FAAH: variants seen among roughly 807,000 people sequenced by gnomAD.
The protein encoded by FAAH is fatty acid amide hydrolase.
Under a neutral mutation model 69.7 loss-of-function variants are expected in FAAH, and 63 were observed. The ratio of observed to expected loss-of-function variants is 0.90; its 90% CI spans 0.74 to 1.12. The LOEUF (loss-of-function observed/expected upper bound fraction) is 1.12, where lower values mean the gene tolerates loss of function less well. Among genes scored for constraint, FAAH ranks in the 50% most tolerant of loss-of-function variants. FAAH has a pLI of 0.00. For missense variants in FAAH, 680 were observed against 755.0 expected, an observed-to-expected ratio of 0.90 and a Z score of 1.16; for synonymous variants, 305 against 324.2, an observed-to-expected ratio of 0.94 and a Z score of 0.64.
In FAAH at chr1:46,410,741, G is replaced by A; in HGVS notation, c.1276-73G>A. On this transcript the variant is annotated intron_variant, in intron 10 of 14. Transcript: ENST00000243167. The surrounding 1 kb of genome is among the most constrained non-coding windows in gnomAD (Gnocchi z 4.9). ...GGCATGGAGGGAGGGGTCCCCAGTGGCTTGGCCTGAAGAAGGTTGACGTCT... is the reference window on the plus strand; with the variant it reads ...GGCATGGAGGGAGGGGTCCCCAGTGACTTGGCCTGAAGAAGGTTGACGTCT... 2 of 1,595,810 alleles carry A rather than the reference G, an allele frequency of 1.3e-6. No homozygotes were observed. The highest frequency in any genetic ancestry group is 1.7e-6 in the Non-Finnish European group (2 of 1,163,366).
chr1:46,399,253 T>G (rs1027667344), intron 1 of FAAH, among the ~76,000 whole-genome samples: 1 of 152,136 alleles, frequency 6.6e-6, no homozygotes, highest in African/African-American at 2.4e-5. Context: ...TGGTAGAGTA[T>G]CCCTCTCTTG....
At position 46,411,731 on chromosome 1, in the gene FAAH, G is replaced by T; in HGVS notation, c.1356+80G>T. 2 of 1,502,778 alleles carry T rather than the reference G, an allele frequency of 1.3e-6. No homozygotes were observed. Among genetic ancestry groups the T allele is most frequent in the South Asian group, 1.2e-5 (1 of 86,520 alleles). The allele number at this position is 1,502,778 out of a possible 1,614,324, so 93.1% of individuals were successfully genotyped here. ...ACAGGGTACCCGCTAGCAGTGTCTC[G>T]TGGCCACTGCCCCCATGGGGCTCCT... On this transcript the variant is annotated intron_variant, in intron 12 of 14. Transcript: ENST00000243167. The surrounding 1 kb of genome is among the most constrained non-coding windows in gnomAD (Gnocchi z 4.8).
At chr1:46,408,350 T>C in intron 7 of FAAH, 109 bp from the exon 8 acceptor site, 1 of 1,481,792 alleles carries the variant, frequency 6.7e-7, no homozygotes, top group South Asian at 1.1e-5. Flanking sequence ...CCTCGCTGAC[T>C]GCAGCCTCGC....
At chr1:46,399,258 C>G (rs1004635020) in intron 1 of FAAH, among the ~76,000 whole-genome samples, 3 of 152,180 alleles carry the variant, frequency 2.0e-5, no homozygotes, top group Non-Finnish European at 4.4e-5. Flanking sequence ...GAGTATCCCT[C>G]TCTTGAAAAA....
intron 2 of FAAH, among the ~76,000 whole-genome samples, chr1:46,402,419 C>T (rs1180429236): frequency 2.0e-5 from 3 of 152,260 alleles, no homozygotes; most frequent in Non-Finnish European, 4.4e-5. Context: ...GTGTATGAGA[C>T]ACTGAGCATG....
chr1:46,413,778 C>G lies in FAAH; in HGVS notation c.*203C>G. The G allele has an allele frequency of 1.5e-6, 1 of 670,558 alleles. No homozygotes were observed. The highest frequency in any genetic ancestry group is 2.5e-6 in the Non-Finnish European group (1 of 395,164). The allele number at this position is 670,558 out of a possible 1,614,324, so 41.5% of individuals were successfully genotyped here. Reference sequence around the variant, plus strand: ...TCTGGTCCCCTCTCTTCGTCCTGATCCCTCCACCCCCATGTGGCAGCCCAT... The same window carrying G: ...TCTGGTCCCCTCTCTTCGTCCTGATGCCTCCACCCCCATGTGGCAGCCCAT... On this transcript the variant is annotated 3_prime_UTR_variant, in exon 15 of 15. Coordinates refer to ENST00000243167, the MANE Select transcript of FAAH (RefSeq NM_001441.3).
Position 46,409,181 on chromosome 1 carries a change from C to T in FAAH, c.1158C>T (p.His386=). ...GTGGGCTCTTCAGTGATGGTGGCCA[C>T]ACCTTCCTACAGAACTTGTGAGTGA... ...STGGLFSDGG[H]TFLQNFKGDF... The change falls in exon 9 of 15, where the codon CAC becomes CAT. Residue 386 remains histidine (H), a synonymous_variant. Transcript: ENST00000243167. The T allele has an allele frequency of 3.7e-6, 6 of 1,613,798 alleles. No homozygotes were observed. The highest frequency in any genetic ancestry group is 5.1e-6 in the Non-Finnish European group (6 of 1,179,770).
chr1:46,394,939 T>G (rs1664571102), intron 1 of FAAH, among the ~76,000 whole-genome samples: 1 of 91,634 alleles, frequency 1.1e-5, no homozygotes, highest in Admixed American at 9.9e-5. Flanking sequence ...TTGTTTTTTG[T>G]TTTTTTTTGT....
chr1:46,395,972 C>T (rs941878876), intron 1 of FAAH, among the ~76,000 whole-genome samples: 13 of 151,836 alleles, frequency 8.6e-5, no homozygotes, highest in African/African-American at 3.1e-4. Flanking sequence ...GAACAGTGGG[C>T]CCAGGGGACC....
In FAAH at chr1:46,411,611, G is replaced by A; in HGVS notation, c.1317-1G>A. On this transcript the variant is annotated splice_acceptor_variant, in intron 11 of 14. Coordinates refer to ENST00000243167, the MANE Select transcript of FAAH (RefSeq NM_001441.3). LOFTEE classifies it high-confidence loss of function. This position sits in a 1 kb window ranked among gnomAD's most constrained non-coding sequence, Gnocchi z 4.8. ...CTGGTGACCACACTCCTTCTGCCCA[G>A]TTCGGCTGGAAAACTCTGGGAACTG... 6.2e-7 allele frequency: 1 copy of A among 1,614,024 alleles called. No homozygotes were observed.
At chr1:46,399,584 T>G (rs978815254) in intron 1 of FAAH, among the ~76,000 whole-genome samples, 6 of 152,238 alleles carry the variant, frequency 3.9e-5, no homozygotes, top group African/African-American at 1.2e-4. Flanking sequence ...TGTAGCGAGG[T>G]CGGGGGAGTT....
At chr1:46,407,262 C>T (rs1257281102) in intron 7 of FAAH, among the ~76,000 whole-genome samples, 1 of 152,034 alleles carries the variant, frequency 6.6e-6, no homozygotes, top group Non-Finnish European at 1.5e-5. Context: ...GGGAGATCTG[C>T]TGAGATTTTG....
chr1:46,409,427 CT>C (rs35934911), intron 9 of FAAH: 33,950 of 529,220 alleles, frequency 0.064, 3,560 homozygotes, highest in East Asian at 0.32. Context: ...TGGCCTACCC[CT>C]GATCTGAGCT....
In FAAH at chr1:46,394,437, G is replaced by C; in HGVS notation, c.89G>C (p.Arg30Pro). 3.6e-6 allele frequency: 5 copies of C among 1,397,038 alleles called. No individual in the cohort carries two copies. Among genetic ancestry groups the C allele is most frequent in the Non-Finnish European group, 4.6e-6 (5 of 1,083,328 alleles). The allele number at this position is 1,397,038 out of a possible 1,614,324, so 86.5% of individuals were successfully genotyped here. A position where few individuals can be genotyped will look rare whatever the true frequency, so the allele number is the denominator to read the frequency against. ...CCFVAAAVAL[R>P]WSGRRTARGA... ...TTCGTGGCGGCGGCCGTGGCCCTGC[G>C]CTGGTCCGGGCGCCGGACGGCGCGG... The change falls in exon 1 of 15, where the codon CGC (arginine) becomes CCC (proline). Residue 30 changes from arginine to proline, a missense_variant. Arg to Pro is a moderately radical substitution (Grantham distance 103). Transcript: ENST00000243167.
At chr1:46,396,850 TGCG>T (rs1664605751) in intron 1 of FAAH, among the ~76,000 whole-genome samples, 1 of 152,238 alleles carries the variant, frequency 6.6e-6, no homozygotes, top group South Asian at 2.1e-4. Flanking sequence ...ACACATGTGT[TGCG>T]GTTTTGGCTG....
chr1:46,410,510 G>A lies in FAAH; in HGVS notation c.1275+13G>A, dbSNP rs765686138. ...GGTGAAGCCTCTGGTGAGGGCACAA[G>A]GAGTGGAGGGGCTAGGATGGCTGGG... On this transcript the variant is annotated intron_variant, in intron 10 of 14. Coordinates refer to ENST00000243167, the MANE Select transcript of FAAH (RefSeq NM_001441.3). This position sits in a 1 kb window ranked among gnomAD's most constrained non-coding sequence, Gnocchi z 4.9. The A allele has an allele frequency of 6.2e-7, 1 of 1,610,024 alleles. No individual in the cohort carries two copies. Among genetic ancestry groups the A allele is most frequent in the Middle Eastern group, 1.7e-4 (1 of 6,054 alleles).
intron 1 of FAAH, among the ~76,000 whole-genome samples, chr1:46,400,314 G>C (rs1557757137): frequency 6.6e-6 from 1 of 152,114 alleles, no homozygotes; most frequent in Non-Finnish European, 1.5e-5. Flanking sequence ...GGATTTTAAG[G>C]GGAGAGGCAA....
chr1:46,407,712 C>A (rs1006667551), intron 7 of FAAH, among the ~76,000 whole-genome samples: 3 of 152,108 alleles, frequency 2.0e-5, no homozygotes, highest in African/African-American at 7.2e-5. Flanking sequence ...TCCTCTGTGC[C>A]CACTCCAACA....
At position 46,406,758 on chromosome 1, in the gene FAAH, C is replaced by T. The variant is rs185397995; in HGVS notation, c.951+390C>T. Among the ~76,000 whole-genome samples, 269 of 151,592 alleles carry T rather than the reference C, an allele frequency of 1.8e-3. 3 individuals carry two copies. Among genetic ancestry groups the T allele is most frequent in the South Asian group, 0.015 (69 of 4,730 alleles). ...CTGGGACTACAGGCGCCCGGCACCA[C>T]GCCCGGCTAATTTTTTTTGTATTTT... On this transcript the variant is annotated intron_variant, in intron 7 of 14. Transcript: ENST00000243167.
Sources: allele counts gnomAD v4.1 joint callset (sites outside exome capture counted in the v4.1 genomes callset), GRCh38; gene constraint gnomAD v4.1.1; non-coding constraint Gnocchi (gnomAD v3.1); transcripts MANE v1.5; gene names NCBI Gene and HGNC (gene_info 2026-07-23, HGNC 2026-07-21).